The following EGFLAM variants were observed in gnomAD, a reference collection of about 807,000 sequenced individuals.
EGFLAM encodes the protein pikachurin.
Under a neutral mutation model 113.1 loss-of-function variants are expected in EGFLAM, and 79 were observed. The ratio of observed to expected loss-of-function variants is 0.70; its 90% CI spans 0.58 to 0.84. EGFLAM has a LOEUF of 0.84. EGFLAM is among the 40% of genes least tolerant of loss of function. The pLI is 0.00. For synonymous variants in EGFLAM, 504 were observed against 487.6 expected, an observed-to-expected ratio of 1.03 and a Z score of -0.44; for missense variants, 1,265 against 1,291.6, an observed-to-expected ratio of 0.98 and a Z score of 0.32.
intron 5 of EGFLAM, among the ~76,000 whole-genome samples, chr5:38,367,785 G>A (rs1271080071): frequency 6.6e-6 from 1 of 152,136 alleles, no homozygotes; most frequent in Non-Finnish European, 1.5e-5. Context: ...CCTCACCTTT[G>A]TACTTTTGTA....
intron 3 of EGFLAM, among the ~76,000 whole-genome samples, chr5:38,346,740 C>T (rs1345731790): frequency 1.3e-5 from 2 of 152,156 alleles, no homozygotes; most frequent in African/African-American, 2.4e-5. Flanking sequence ...TTTCTGCTTC[C>T]TTGAGGAAAG....
chr5:38,385,274 A>AC (rs1423167971), intron 6 of EGFLAM, among the ~76,000 whole-genome samples: 346 of 33,590 alleles, frequency 0.01, no homozygotes, highest in East Asian at 0.026. Flanking sequence ...ACTGTTTCCC[A>AC]CCCACCCCCC....
rs139922318 is a variant in EGFLAM at position 38,359,688 on chromosome 5, A to G, written c.545+7357A>G. 1.1e-3 allele frequency among the ~76,000 whole-genome samples: 174 copies of G among 152,250 alleles called. 4 individuals carry two copies. The South Asian group carries it at 0.021, about 19-fold the overall frequency. The stretch of plus-strand genomic sequence containing the variant: ...AGACTCTCTCAAACACACACACACA[A>G]AGTCTACTATTGGCTTATTTTGGGT... On this transcript the variant is annotated intron_variant, in intron 5 of 21. Coordinates refer to ENST00000322350, the MANE Select transcript of EGFLAM (RefSeq NM_152403.4).
intron 1 of EGFLAM, among the ~76,000 whole-genome samples, chr5:38,336,946 A>G (rs1739203009): frequency 6.6e-6 from 1 of 152,200 alleles, no homozygotes; most frequent in Non-Finnish European, 1.5e-5. Context: ...TGTTTTCTAA[A>G]TTGTGGCAAC....
At chr5:38,330,897 A>G (rs1739023234) in intron 1 of EGFLAM, among the ~76,000 whole-genome samples, 1 of 152,216 alleles carries the variant, frequency 6.6e-6, no homozygotes, top group Admixed American at 6.5e-5. Context: ...CACAGGGGGA[A>G]GCAAACATAA....
intron 1 of EGFLAM, among the ~76,000 whole-genome samples, chr5:38,304,870 A>G (rs1758685494): frequency 6.6e-6 from 1 of 152,200 alleles, no homozygotes; most frequent in Admixed American, 6.5e-5. Flanking sequence ...AAATACTACA[A>G]CTGTAAACAT....
chr5:38,272,572 T>G (rs765463961), intron 1 of EGFLAM, among the ~76,000 whole-genome samples: 3 of 152,260 alleles, frequency 2.0e-5, no homozygotes, highest in African/African-American at 4.8e-5. Context: ...GGCTTGCTTA[T>G]GAAGATCAAT....
At chr5:38,405,556 A>G (rs1255786500) in intron 6 of EGFLAM, among the ~76,000 whole-genome samples, 3 of 152,186 alleles carry the variant, frequency 2.0e-5, no homozygotes, top group Non-Finnish European at 4.4e-5. Context: ...TTCTATAGAT[A>G]TACTATAAAT....
At chr5:38,365,902 C>T (rs1740046668) in intron 5 of EGFLAM, among the ~76,000 whole-genome samples, 1 of 152,126 alleles carries the variant, frequency 6.6e-6, no homozygotes, top group Non-Finnish European at 1.5e-5. Flanking sequence ...TGAGGACCAC[C>T]CAGTTTTGCT....
In EGFLAM at chr5:38,464,155, G is replaced by T; in HGVS notation, c.*169G>T. ...CTGAGAACCAAGACAGGCATCCCTG[G>T]GTGGCCTTTCCTGCTGACACTCCAC... On this transcript the variant is annotated 3_prime_UTR_variant, in exon 22 of 22. Transcript: ENST00000322350. 2 of 897,212 alleles carry T rather than the reference G, an allele frequency of 2.2e-6. No individual in the cohort carries two copies. Among genetic ancestry groups the T allele is most frequent in the East Asian group, 2.7e-5 (1 of 37,312 alleles). The allele number at this position is 897,212 out of a possible 1,614,324, so 55.6% of individuals were successfully genotyped here.
At chr5:38,418,374 A>G in intron 12 of EGFLAM, 119 bp downstream of exon 12, 1 of 1,275,764 alleles carries the variant, frequency 7.8e-7, no homozygotes, top group Non-Finnish European at 1.1e-6. Flanking sequence ...GGAAGCTGGT[A>G]CCTTCAGAAC....
At chr5:38,453,897 C>T (rs1440167712) in intron 19 of EGFLAM, among the ~76,000 whole-genome samples, 1 of 152,162 alleles carries the variant, frequency 6.6e-6, no homozygotes. Flanking sequence ...TGGAGAGCCC[C>T]CTCCCCTCTC....
At chr5:38,404,022 C>T (rs1698861156) in intron 6 of EGFLAM, 2 of 1,561,390 alleles carry the variant, frequency 1.3e-6, no homozygotes, top group Non-Finnish European at 1.7e-6. Flanking sequence ...CCAAGAAGTG[C>T]CCGAACCCCT....
intron 1 of EGFLAM, among the ~76,000 whole-genome samples, chr5:38,294,423 A>G (rs1248176966): frequency 6.6e-6 from 1 of 152,256 alleles, no homozygotes; most frequent in African/African-American, 2.4e-5. Context: ...AGTGTGAAAG[A>G]GGCTGAGAAG....
rs55953725 is a variant in EGFLAM at position 38,389,906 on chromosome 5, T to C, written c.713-16220T>C. On this transcript the variant is annotated intron_variant, in intron 6 of 21. Coordinates refer to ENST00000322350, the MANE Select transcript of EGFLAM (RefSeq NM_152403.4). ...TCTACAGTATTCATTTTGTTTCTTA[T>C]TATTGTAGGTATGGATTTTTATTCT... Among the ~76,000 whole-genome samples, 371 of 152,312 alleles carry C rather than the reference T, an allele frequency of 2.4e-3. 1 individual carries two copies. Among genetic ancestry groups the C allele is most frequent in the African/African-American group, 6.7e-3 (280 of 41,568 alleles).
In EGFLAM at chr5:38,438,403, G is replaced by C. The variant is rs35767836; in HGVS notation, c.2412G>C (p.Glu804Asp). The C allele has an allele frequency of 0.02, 32,458 of 1,613,864 alleles. 415 individuals carry two copies. The highest frequency in any genetic ancestry group is 0.023 in the Non-Finnish European group (27,094 of 1,179,894). ...GGGGCAGCTGCCGGCCCAGGAAGGA[G>C]GGCTATGACTGTGACTGCCCCTTGG... ...AHGGSCRPRK[E>D]GYDCDCPLGF... The change falls in exon 17 of 22, where the codon GAG becomes GAC. Residue 804 changes from glutamate to aspartate, a missense_variant. Coordinates refer to ENST00000322350, the MANE Select transcript of EGFLAM (RefSeq NM_152403.4).
At position 38,370,372 on chromosome 5, in the gene EGFLAM, C is replaced by A. The variant is rs1213672623; in HGVS notation, c.622C>A (p.Pro208Thr). 6.2e-7 allele frequency: 1 copy of A among 1,614,208 alleles called. No individual in the cohort carries two copies. Among genetic ancestry groups the A allele is most frequent in the Admixed American group, 1.7e-5 (1 of 60,026 alleles). The change falls in exon 6 of 22, where the codon CCA becomes ACA. Residue 208 changes from proline (P) to threonine (T), a missense_variant. Pro to Thr is a conservative substitution (Grantham distance 38). Coordinates refer to ENST00000322350, the MANE Select transcript of EGFLAM (RefSeq NM_152403.4). ...CTCCATGGTTATCAAGGGCCTCGAT[C>A]CAGATACCAACTACCAGTTTGCCGT... is the stretch of plus-strand genomic sequence containing the variant. ...MDSMVIKGLDPDTNYQFAVRA... is the reference protein window; with the variant it reads ...MDSMVIKGLDTDTNYQFAVRA...
chr5:38,284,896 A>C (rs1758116762), intron 1 of EGFLAM, among the ~76,000 whole-genome samples: 1 of 152,246 alleles, frequency 6.6e-6, no homozygotes, highest in South Asian at 2.1e-4. Context: ...TATTCAAAAT[A>C]CATAAACAGA....
intron 3 of EGFLAM, among the ~76,000 whole-genome samples, chr5:38,340,252 T>A (rs1419286478): frequency 1.3e-5 from 2 of 152,246 alleles, no homozygotes; most frequent in Non-Finnish European, 2.9e-5. Context: ...GGTTGGGTAA[T>A]GTTGGTCAGA....
Sources: gnomAD v4.1 joint callset for allele counts (sites outside exome capture counted in the v4.1 genomes callset) on GRCh38, gnomAD v4.1.1 for gene constraint, MANE v1.5 for transcripts, NCBI Gene and HGNC (gene_info 2026-07-23, HGNC 2026-07-21) for gene names.